FBLN2: variants seen among roughly 807,000 people sequenced by gnomAD.
FBLN2 encodes fibulin-2.
FBLN2 carries 81 observed loss-of-function variants against 123.7 expected under a neutral mutation model. The observed-to-expected ratio is 0.65, with a 90% CI of 0.55 to 0.79. The LOEUF (loss-of-function observed/expected upper bound fraction) is 0.79. Among genes scored for constraint, FBLN2 ranks in the 30% least tolerant of loss-of-function variants. The pLI is 0.00. For synonymous variants in FBLN2, 699 were observed against 701.4 expected, an observed-to-expected ratio of 1.00 and a Z score of 0.05; for missense variants, 1,603 against 1,681.3, an observed-to-expected ratio of 0.95 and a Z score of 0.81.
intron 5 of FBLN2, 142 bp from the exon 6 acceptor site, chr3:13,617,934 C>A: frequency 7.7e-6 from 5 of 649,712 alleles, no homozygotes; most frequent in Non-Finnish European, 8.0e-6. Context: ...ACCCATCCAT[C>A]CATCCTGCTT....
intron 16 of FBLN2, among the ~76,000 whole-genome samples, chr3:13,632,217 C>T (rs762913587): frequency 1.3e-5 from 2 of 152,226 alleles, no homozygotes; most frequent in African/African-American, 2.4e-5. Flanking sequence ...GGTCATTGCC[C>T]CAGGAGAACC....
At chr3:13,561,425 C>G (rs1703596226) in intron 1 of FBLN2, among the ~76,000 whole-genome samples, 1 of 152,070 alleles carries the variant, frequency 6.6e-6, no homozygotes, top group South Asian at 2.1e-4. Flanking sequence ...GTGTCCCCAC[C>G]CCCCCGCCAC....
At chr3:13,637,041 A>T (rs1407723744) in intron 17 of FBLN2, among the ~76,000 whole-genome samples, 1 of 152,124 alleles carries the variant, frequency 6.6e-6, no homozygotes, top group Non-Finnish European at 1.5e-5. Flanking sequence ...CCCCTCCACA[A>T]GGCTGCTTGT....
At chr3:13,555,787 C>CT (rs1435796135) in intron 1 of FBLN2, among the ~76,000 whole-genome samples, 1 of 152,214 alleles carries the variant, frequency 6.6e-6, no homozygotes, top group East Asian at 1.9e-4. Context: ...TGGCAAGCGT[C>CT]TGAGAGGTGT....
intron 2 of FBLN2, among the ~76,000 whole-genome samples, chr3:13,577,481 C>T (rs1365018087): frequency 1.3e-5 from 2 of 152,122 alleles, no homozygotes; most frequent in Non-Finnish European, 2.9e-5. Flanking sequence ...GGGCCTGTGG[C>T]CACCATGAGG....
chr3:13,580,103 C>A (rs568388192), intron 2 of FBLN2, among the ~76,000 whole-genome samples: 31 of 152,312 alleles, frequency 2.0e-4, no homozygotes, highest in African/African-American at 7.0e-4. Flanking sequence ...CAGGGATCGA[C>A]CCTGCCTAGC....
At chr3:13,554,602 C>CTTGGAGCAGAGACACTCACTGTCT (rs1703414094) in intron 1 of FBLN2, among the ~76,000 whole-genome samples, 1 of 152,202 alleles carries the variant, frequency 6.6e-6, no homozygotes, top group South Asian at 2.1e-4. Context: ...TTCCCTAGTC[C>CTTGGAGCAGAGACACTCACTGTCT]TCGTGGTGGT....
At chr3:13,552,676 G>T (rs1703356800) in intron 1 of FBLN2, among the ~76,000 whole-genome samples, 2 of 152,106 alleles carry the variant, frequency 1.3e-5, no homozygotes, top group South Asian at 4.1e-4. Flanking sequence ...GGAGCAGTGG[G>T]TTTGTGGCTT....
At chr3:13,567,558 A>G (rs1201922691) in intron 1 of FBLN2, among the ~76,000 whole-genome samples, 1 of 152,162 alleles carries the variant, frequency 6.6e-6, no homozygotes, top group Non-Finnish European at 1.5e-5. Flanking sequence ...GGGTTTCACC[A>G]CGTTGGCCAG....
chr3:13,596,669 A>G (rs1245485137), intron 2 of FBLN2, among the ~76,000 whole-genome samples: 2 of 152,078 alleles, frequency 1.3e-5, no homozygotes, highest in African/African-American at 2.4e-5. Flanking sequence ...GAAATTTTTC[A>G]TCTTCTCAAA....
At chr3:13,605,223 G>A (rs547886837) in intron 2 of FBLN2, among the ~76,000 whole-genome samples, 4 of 152,258 alleles carry the variant, frequency 2.6e-5, no homozygotes, top group South Asian at 2.1e-4. Flanking sequence ...TTAATTACAC[G>A]TCTCATTTCT....
chr3:13,602,664 A>G (rs950524950), intron 2 of FBLN2, among the ~76,000 whole-genome samples: 1 of 152,172 alleles, frequency 6.6e-6, no homozygotes, highest in African/African-American at 2.4e-5. Context: ...TCTCTTTTGA[A>G]TGGGAATTTT....
rs868651252 is a variant in FBLN2 at position 13,617,656 on chromosome 3, T to C, written c.1730-420T>C. 9.3e-3 allele frequency among the ~76,000 whole-genome samples: 648 copies of C among 69,626 alleles called. 7 individuals are homozygous for C. Among genetic ancestry groups the C allele is most frequent in the African/African-American group, 0.037 (600 of 16,266 alleles). The allele number at this position is 69,626 out of a possible 152,430, so 45.7% of individuals were successfully genotyped here. The stretch of plus-strand genomic sequence containing the variant: ...CCACCCATTCATTCACCCACCCATC[T>C]ACCCACCCATCCACCCACCCATCCA... On this transcript the variant is annotated intron_variant, in intron 5 of 17. Coordinates refer to ENST00000404922, the MANE Select transcript of FBLN2 (RefSeq NM_001004019.2).
chr3:13,615,380 G>A (rs775776233), intron 5 of FBLN2, among the ~76,000 whole-genome samples: 3 of 152,206 alleles, frequency 2.0e-5, no homozygotes, highest in Non-Finnish European at 2.9e-5. Context: ...CCTATGGACC[G>A]TCATCTGGGG....
chr3:13,568,039 T>A (rs1703801431), intron 1 of FBLN2, among the ~76,000 whole-genome samples: 1 of 152,152 alleles, frequency 6.6e-6, no homozygotes, highest in East Asian at 1.9e-4. Context: ...TTTTGCTGAC[T>A]GGGAGTAAAG....
intron 9 of FBLN2, among the ~76,000 whole-genome samples, chr3:13,622,145 G>C (rs1049176762): frequency 1.3e-5 from 2 of 152,238 alleles, no homozygotes; most frequent in Non-Finnish European, 1.5e-5. Context: ...CTATGTGTCA[G>C]GGAACTGGAT....
chr3:13,575,186 C>G (rs894198803), intron 2 of FBLN2, among the ~76,000 whole-genome samples: 1 of 152,220 alleles, frequency 6.6e-6, no homozygotes. Flanking sequence ...GATGCAGGGA[C>G]TTCCCTGCTG....
chr3:13,628,813 G>A lies in FBLN2; in HGVS notation c.2570-92G>A. The A allele has an allele frequency of 2.7e-6, 4 of 1,477,666 alleles. No homozygotes were observed. The South Asian group carries it at 4.0e-5, about 15-fold the overall frequency. 91.5% of individuals were successfully genotyped at this position (1,477,666 alleles called of 1,614,324 possible). A position where few individuals can be genotyped will look rare whatever the true frequency, so the allele number is the denominator to read the frequency against. ...CTGACCAGGGCAGGTCTGGAGCCCA[G>A]GACCGACCCCCTCCCAGTGTGGCCC... On this transcript the variant is annotated intron_variant, in intron 11 of 17. Coordinates refer to ENST00000404922, the MANE Select transcript of FBLN2 (RefSeq NM_001004019.2).
intron 5 of FBLN2, among the ~76,000 whole-genome samples, chr3:13,616,036 C>A (rs1027535323): frequency 3.3e-5 from 5 of 152,198 alleles, no homozygotes; most frequent in Non-Finnish European, 7.3e-5. Flanking sequence ...ATACCTGGAT[C>A]TCCCATCAGG....
Sources: gnomAD v4.1 joint callset for allele counts (sites outside exome capture counted in the v4.1 genomes callset) on GRCh38, gnomAD v4.1.1 for gene constraint, MANE v1.5 for transcripts, NCBI Gene and HGNC (gene_info 2026-07-23, HGNC 2026-07-21) for gene names.